BTBD7: variants seen among roughly 807,000 people sequenced by gnomAD.
BTBD7 encodes the protein BTB domain containing 7.
BTBD7 carries 38 observed loss-of-function variants against 99.9 expected under a neutral mutation model. The ratio of observed to expected loss-of-function variants is 0.38; its 90% CI spans 0.29 to 0.50. The LOEUF (loss-of-function observed/expected upper bound fraction) is 0.50, where lower values mean the gene tolerates loss of function less well. Among genes scored for constraint, BTBD7 ranks in the 20% least tolerant of loss-of-function variants. The probability of loss-of-function intolerance (pLI) is 0.93; values close to 1 mark genes in which losing one functional copy is unlikely to be tolerated. For missense variants in BTBD7, 1,170 were observed against 1,394.6 expected, an observed-to-expected ratio of 0.84 and a Z score of 2.57; for synonymous variants, 520 against 511.4, an observed-to-expected ratio of 1.02 and a Z score of -0.23.
intron 3 of BTBD7, among the ~76,000 whole-genome samples, chr14:93,284,202 G>A (rs1055394957): frequency 1.1e-4 from 16 of 152,098 alleles, no homozygotes; most frequent in Admixed American, 2.0e-4. Context: ...ACTGGCTTTT[G>A]AGAATTTTCT....
intron 10 of BTBD7, among the ~76,000 whole-genome samples, chr14:93,245,564 C>T (rs1051894197): frequency 6.6e-6 from 1 of 152,298 alleles, no homozygotes; most frequent in East Asian, 1.9e-4. Flanking sequence ...CCATTCCTTC[C>T]TAATCCTGCC....
chr14:93,242,485 C>T lies in BTBD7; in HGVS notation c.3187G>A (p.Asp1063Asn). 6.2e-7 allele frequency: 1 copy of T among 1,614,236 alleles called. No homozygotes were observed. Among genetic ancestry groups the T allele is most frequent in the Non-Finnish European group, 8.5e-7 (1 of 1,180,046 alleles). ...TTAGGAGTCAGCCCAAAAGTCAAGT[C>T]AGTTTCTACTGCAGTTCGTCCCCTG... The part of the protein sequence containing the change: ...HVRGRTAVET[D>N]LTFGLTPNRP... The change falls in exon 11 of 11, where the codon GAC becomes AAC. Residue 1063 changes from aspartate to asparagine, a missense_variant. Transcript: ENST00000334746.
intron 1 of BTBD7, among the ~76,000 whole-genome samples, chr14:93,301,526 C>CAG (rs1177934258): frequency 6.6e-6 from 1 of 151,788 alleles, no homozygotes; most frequent in African/African-American, 2.4e-5. Flanking sequence ...TATACACACA[C>CAG]ACATATACAT....
At chr14:93,304,648 G>A (rs1033991574) in intron 1 of BTBD7, among the ~76,000 whole-genome samples, 2 of 152,128 alleles carry the variant, frequency 1.3e-5, no homozygotes, top group African/African-American at 4.8e-5. Flanking sequence ...CACCGTGCCC[G>A]GCCTAGATTT....
At chr14:93,322,022 C>A (rs926554142) in intron 1 of BTBD7, among the ~76,000 whole-genome samples, 6 of 152,082 alleles carry the variant, frequency 3.9e-5, no homozygotes, top group African/African-American at 1.4e-4. Flanking sequence ...ATATAGAGTG[C>A]AGCAGGCAGT....
intron 8 of BTBD7, among the ~76,000 whole-genome samples, 166 bp downstream of exon 8, chr14:93,251,297 A>C (rs1018119106): frequency 1.3e-5 from 2 of 152,224 alleles, no homozygotes; most frequent in African/African-American, 4.8e-5. Flanking sequence ...ATAAAATATA[A>C]AGCAAAAGTT....
intron 8 of BTBD7, among the ~76,000 whole-genome samples, 169 bp from the exon 9 acceptor site, chr14:93,248,823 C>G (rs911377579): frequency 6.6e-6 from 1 of 152,244 alleles, no homozygotes; most frequent in Non-Finnish European, 1.5e-5. Context: ...AATTATTTTT[C>G]AAGGTTTTAA....
chr14:93,295,485 T>C (rs925198594), intron 2 of BTBD7, among the ~76,000 whole-genome samples: 1 of 152,144 alleles, frequency 6.6e-6, no homozygotes, highest in African/African-American at 2.4e-5. Context: ...TAGTCTAAAT[T>C]TTTTTAGAAA....
Position 93,249,826 on chromosome 14 carries a change from G to A in BTBD7, c.1943-1172C>T, listed in dbSNP as rs184131414. On this transcript the variant is annotated intron_variant, in intron 8 of 10. Coordinates refer to ENST00000334746, the MANE Select transcript of BTBD7 (RefSeq NM_001002860.4). ...CGGGAACACGGGTTAGAAACCTGAA[G>A]TAGGGCTGTAGCTGTAGGGCTGGAG... 1.1e-3 allele frequency among the ~76,000 whole-genome samples: 167 copies of A among 152,300 alleles called. 1 individual carries two copies. Among genetic ancestry groups the A allele is most frequent in the Middle Eastern group, 0.01 (3 of 294 alleles).
At chr14:93,330,025 C>A (rs1270158608) in intron 1 of BTBD7, among the ~76,000 whole-genome samples, 1 of 152,166 alleles carries the variant, frequency 6.6e-6, no homozygotes, top group Non-Finnish European at 1.5e-5. Flanking sequence ...TGACTTTATC[C>A]GGGTCTAAGA....
intron 3 of BTBD7, among the ~76,000 whole-genome samples, chr14:93,273,790 C>A (rs11844167): frequency 0.12 from 18,029 of 152,202 alleles, 1,337 homozygotes; most frequent in African/African-American, 0.21. Flanking sequence ...GATCATGTTC[C>A]CAGCACAGTC....
At chr14:93,298,308 T>C (rs2052954378) in intron 1 of BTBD7, among the ~76,000 whole-genome samples, 1 of 152,198 alleles carries the variant, frequency 6.6e-6, no homozygotes, top group African/African-American at 2.4e-5. Flanking sequence ...TGAGCATCCC[T>C]AATCAGAAAA....
chr14:93,275,525 T>C (rs1280210080), intron 3 of BTBD7, among the ~76,000 whole-genome samples: 1 of 152,216 alleles, frequency 6.6e-6, no homozygotes, highest in Non-Finnish European at 1.5e-5. Flanking sequence ...AGTCTTAAAG[T>C]TGCTTAACAG....
Position 93,317,767 on chromosome 14 carries a change from T to C in BTBD7, c.-107+15053A>G, listed in dbSNP as rs1480848392. On this transcript the variant is annotated intron_variant, in intron 1 of 10. Coordinates refer to ENST00000334746, the MANE Select transcript of BTBD7 (RefSeq NM_001002860.4). ...TGACTATTTAATAAGGGTGATTTAC[T>C]ATGCCTAAACTGTTTGTGCAAACAA... Among the ~76,000 whole-genome samples the C allele has an allele frequency of 2.6e-5, 4 of 152,230 alleles. No individual in the cohort carries two copies. In the South Asian group the frequency reaches 8.3e-4, roughly 32 times the overall value.
chr14:93,266,146 G>C (rs941150439), intron 3 of BTBD7, among the ~76,000 whole-genome samples: 3 of 151,458 alleles, frequency 2.0e-5, no homozygotes, highest in African/African-American at 4.8e-5. Flanking sequence ...GGCTTAACTG[G>C]AACTATATAA....
At position 93,242,794 on chromosome 14, in the gene BTBD7, G is replaced by A. The variant is rs775030206; in HGVS notation, c.2878C>T (p.Leu960Phe). The A allele has an allele frequency of 3.1e-6, 5 of 1,614,214 alleles. No homozygotes were observed. The highest frequency in any genetic ancestry group is 1.6e-4 in the Middle Eastern group (1 of 6,062). The change falls in exon 11 of 11, where the codon CTC becomes TTC. Residue 960 changes from leucine to phenylalanine, a missense_variant. Coordinates refer to ENST00000334746, the MANE Select transcript of BTBD7 (RefSeq NM_001002860.4). ...NAACRPSTPA[L>F]SRRTPSPSQG... ...GAAGGGGAAGGGGTGCGTCTGCTGA[G>A]AGCAGGAGTAGAAGGTCTGCAAGCA...
chr14:93,248,017 A>G (rs2052331970), intron 9 of BTBD7, among the ~76,000 whole-genome samples: 2 of 152,218 alleles, frequency 1.3e-5, no homozygotes, highest in Admixed American at 1.3e-4. Context: ...GTGACCAAAC[A>G]AGGAAGAGAG....
intron 1 of BTBD7, among the ~76,000 whole-genome samples, chr14:93,301,767 A>G (rs2053007793): frequency 6.6e-6 from 1 of 152,212 alleles, no homozygotes; most frequent in Non-Finnish European, 1.5e-5. Context: ...CTCCTGTCAA[A>G]TCTAAGGTAA....
At chr14:93,315,784 T>C (rs2053195577) in intron 1 of BTBD7, among the ~76,000 whole-genome samples, 2 of 152,208 alleles carry the variant, frequency 1.3e-5, no homozygotes. Context: ...TGTATGGATA[T>C]ACCACATTGT....
Sources: gnomAD v4.1 joint callset for allele counts (sites outside exome capture counted in the v4.1 genomes callset) on GRCh38, gnomAD v4.1.1 for gene constraint, MANE v1.5 for transcripts, NCBI Gene and HGNC (gene_info 2026-07-23, HGNC 2026-07-21) for gene names.